ASH1L: variants seen among roughly 807,000 people sequenced by gnomAD.
ASH1L encodes histone-lysine N-methyltransferase ASH1L.
ASH1L carries 23 observed loss-of-function variants against 269.0 expected under a neutral mutation model. That is an observed-to-expected ratio of 0.09 (90% confidence interval 0.06 to 0.12). The LOEUF is 0.12. ASH1L is among the 10% of genes least tolerant of loss of function. The probability of loss-of-function intolerance (pLI) is 1.00; values close to 1 mark genes in which losing one functional copy is unlikely to be tolerated. For missense variants in ASH1L, 2,912 were observed against 3,567.8 expected (o/e 0.82, Z 4.68); for synonymous variants, 1,187 against 1,253.5 (o/e 0.95, Z 1.12).
intron 27 of ASH1L, 147 bp from the exon 28 acceptor site, chr1:155,337,898 G>C (rs981111605): frequency 5.9e-6 from 6 of 1,017,172 alleles, no homozygotes; most frequent in Admixed American, 2.6e-5. Context: ...ACGTGAAAAA[G>C]GTGGTTCTTT....
At position 155,562,390 on chromosome 1, in the gene ASH1L, T is replaced by C; in HGVS notation, c.-337A>G. On this transcript the variant is annotated 5_prime_UTR_variant, in exon 1 of 28. Transcript: ENST00000392403. ...TCCCGCAACCGAGACTGGGATCGTCTCCCCTCCGCAAAGCGAACCCAAAAT... is the reference window on the plus strand; with the variant it reads ...TCCCGCAACCGAGACTGGGATCGTCCCCCCTCCGCAAAGCGAACCCAAAAT... The C allele has an allele frequency of 6.7e-7, 1 of 1,500,830 alleles. No homozygotes were observed. The highest frequency in any genetic ancestry group is 9.1e-7 in the Non-Finnish European group (1 of 1,104,142). 93.0% of individuals were successfully genotyped at this position (1,500,830 alleles called of 1,614,324 possible).
At position 155,521,785 on chromosome 1, in the gene ASH1L, A is replaced by G. The variant is rs3768283; in HGVS notation, c.-99-167T>C. On this transcript the variant is annotated intron_variant, in intron 1 of 27. Coordinates refer to ENST00000392403, the MANE Select transcript of ASH1L (RefSeq NM_018489.3). ...GATGTAAATCCATTTAGTTATAAAT[A>G]CATTTAAAATTCAGAATAAGTTTAT... Among the ~76,000 whole-genome samples the G allele has an allele frequency of 4.6e-5, 7 of 152,378 alleles. No individual in the cohort carries two copies. The East Asian group carries it at 1.3e-3, about 29-fold the overall frequency.
At chr1:155,446,019 C>T (rs907766056) in intron 4 of ASH1L, among the ~76,000 whole-genome samples, 3 of 149,228 alleles carry the variant, frequency 2.0e-5, no homozygotes, top group African/African-American at 4.9e-5. Context: ...GCATGAACCA[C>T]TGGGCCTACA....
Position 155,343,303 on chromosome 1 carries a change from A to G in ASH1L, c.8293+11T>C, listed in dbSNP as rs769131774. On this transcript the variant is annotated intron_variant, in intron 24 of 27. Transcript: ENST00000392403. This position sits in a 1 kb window ranked among gnomAD's most constrained non-coding sequence, Gnocchi z 6.1. ...GCCGAGGTCATTTTTTAACTAGCCC[A>G]GATCACTTACCTTTACAATACGTAT... 1.2e-6 allele frequency: 2 copies of G among 1,608,086 alleles called. No homozygotes were observed. Among genetic ancestry groups the G allele is most frequent in the South Asian group, 1.1e-5 (1 of 90,370 alleles).
At chr1:155,408,662 G>A (rs868115062) in intron 6 of ASH1L, among the ~76,000 whole-genome samples, 3 of 152,108 alleles carry the variant, frequency 2.0e-5, no homozygotes, top group Non-Finnish European at 4.4e-5. Flanking sequence ...AGTTTAAAGG[G>A]GCTCCTGTGG....
chr1:155,425,340 C>T (rs1460323718), intron 5 of ASH1L, among the ~76,000 whole-genome samples: 8 of 148,606 alleles, frequency 5.4e-5, no homozygotes, highest in South Asian at 2.1e-4. Flanking sequence ...TGCAGTGGCG[C>T]GATCTCGGAT....
In ASH1L at chr1:155,336,360, T is replaced by TAC. The variant is rs148726843; in HGVS notation, c.*1298_*1299dup. On this transcript the variant is annotated 3_prime_UTR_variant, in exon 28 of 28. Coordinates refer to ENST00000392403, the MANE Select transcript of ASH1L (RefSeq NM_018489.3). Reference sequence around the variant, plus strand: ...GTGTGTGTGTGTGTGTGTATATATATACACACACACATATATATATACACA... The same window carrying TAC: ...GTGTGTGTGTGTGTGTGTATATATATACACACACACACATATATATATACACA... The TAC allele has an allele frequency of 1.1e-3, 169 of 149,752 alleles. No homozygotes were observed. Among genetic ancestry groups the TAC allele is most frequent in the Admixed American group, 1.3e-3 (19 of 14,964 alleles). 9.3% of individuals were successfully genotyped at this position (149,752 alleles called of 1,614,324 possible). A position where few individuals can be genotyped will look rare whatever the true frequency, so the allele number is the denominator to read the frequency against.
intron 2 of ASH1L, among the ~76,000 whole-genome samples, chr1:155,494,911 A>G (rs1451065268): frequency 6.6e-6 from 1 of 152,054 alleles, no homozygotes; most frequent in Admixed American, 6.6e-5. Flanking sequence ...AAGATTGAGA[A>G]GCCAGAAAAG....
chr1:155,354,228 A>G (rs190186311), intron 16 of ASH1L, among the ~76,000 whole-genome samples: 63 of 152,366 alleles, frequency 4.1e-4, no homozygotes, highest in African/African-American at 1.4e-3. Context: ...CCAAGGCAGG[A>G]GGTCAGGAGT....
Position 155,521,291 on chromosome 1 carries a change from C to A in ASH1L, c.229G>T (p.Glu77Ter). 6.2e-7 allele frequency: 1 copy of A among 1,614,130 alleles called. No individual in the cohort carries two copies. Among genetic ancestry groups the A allele is most frequent in the Non-Finnish European group, 8.5e-7 (1 of 1,180,002 alleles). ...AAATTTCCCTCTGAAAAGTTTGTTT[C>A]TTTCACTGAAAACTGTTGCTGTGCA... is the stretch of plus-strand genomic sequence containing the variant. ...TDAQQQFSVKETNFSEGNLKL... is the reference protein window; with the variant it reads ...TDAQQQFSVK Residue 77 changes from glutamate (E) to a stop codon, truncating the protein, a stop_gained, in exon 2 of 28, where the codon GAA becomes TAA. Coordinates refer to ENST00000392403, the MANE Select transcript of ASH1L (RefSeq NM_018489.3). LOFTEE classifies it high-confidence loss of function.
chr1:155,525,831 C>A (rs1020925674), intron 1 of ASH1L, among the ~76,000 whole-genome samples: 2 of 151,692 alleles, frequency 1.3e-5, no homozygotes, highest in Non-Finnish European at 2.9e-5. Flanking sequence ...CCCTCAGATA[C>A]CAAAATCTGA....
At chr1:155,514,232 G>A (rs1176086732) in intron 2 of ASH1L, among the ~76,000 whole-genome samples, 4 of 152,160 alleles carry the variant, frequency 2.6e-5, no homozygotes, top group Non-Finnish European at 5.9e-5. Context: ...CACAAAAAGT[G>A]CATCTACCTA....
intron 21 of ASH1L, chr1:155,346,093 C>A: frequency 8.5e-7 from 1 of 1,179,572 alleles, no homozygotes; most frequent in South Asian, 1.3e-5. Context: ...CTTAGCCTCC[C>A]AGTGTGCTAG....
chr1:155,490,658 T>A (rs1260302237), intron 2 of ASH1L, among the ~76,000 whole-genome samples: 49 of 137,164 alleles, frequency 3.6e-4, no homozygotes, highest in East Asian at 3.2e-3. Flanking sequence ...ACACACACTC[T>A]CTCTCTCTCT....
intron 6 of ASH1L, chr1:155,396,144 CATT>C (rs1658321549): frequency 6.6e-6 from 1 of 151,694 alleles, no homozygotes; most frequent in African/African-American, 2.4e-5. Context: ...CTTCTACTCA[CATT>C]ATTGGTTTGT....
intron 1 of ASH1L, among the ~76,000 whole-genome samples, chr1:155,544,826 C>G (rs943169410): frequency 6.6e-6 from 1 of 151,518 alleles, no homozygotes; most frequent in African/African-American, 2.4e-5. Flanking sequence ...ATAAAAATAA[C>G]AAATATAAAA....
intron 1 of ASH1L, among the ~76,000 whole-genome samples, chr1:155,555,044 C>G (rs1455866251): frequency 4.2e-5 from 6 of 142,120 alleles, no homozygotes; most frequent in African/African-American, 1.0e-4. Flanking sequence ...TCAGGAGGCT[C>G]AAACAGGAGA....
At chr1:155,402,673 G>A (rs1235783405) in intron 6 of ASH1L, among the ~76,000 whole-genome samples, 1 of 151,976 alleles carries the variant, frequency 6.6e-6, no homozygotes, top group Non-Finnish European at 1.5e-5. Flanking sequence ...CCAGTCTACT[G>A]AGTAACTAGG....
At chr1:155,470,552 C>T (rs1469306070) in intron 3 of ASH1L, among the ~76,000 whole-genome samples, 5 of 137,492 alleles carry the variant, frequency 3.6e-5, no homozygotes, top group South Asian at 2.2e-4. Context: ...CAGAAATTAC[C>T]TTTTTTTTTT....
Sources: allele counts gnomAD v4.1 joint callset (sites outside exome capture counted in the v4.1 genomes callset), GRCh38; gene constraint gnomAD v4.1.1; non-coding constraint Gnocchi (gnomAD v3.1); transcripts MANE v1.5; gene names NCBI Gene and HGNC (gene_info 2026-07-23, HGNC 2026-07-21).